Variants in TSC1 observed in about 807,000 individuals in gnomAD.
The protein encoded by TSC1 is hamartin.
TSC1 carries 20 observed loss-of-function variants against 124.3 expected under a neutral mutation model. The observed-to-expected ratio is 0.16, with a 90% CI of 0.11 to 0.23. TSC1 has a LOEUF of 0.23. TSC1 is among the 10% of genes least tolerant of loss of function. TSC1 has a pLI of 1.00. For missense variants in TSC1, 1,124 were observed against 1,448.5 expected, an observed-to-expected ratio of 0.78 and a Z score of 3.64; for synonymous variants, 493 against 539.1, an observed-to-expected ratio of 0.91 and a Z score of 1.19.
At position 132,944,578 on chromosome 9, in the gene TSC1, G is replaced by A. The variant is rs1020168405; in HGVS notation, c.-179C>T. ...CTCCCCCTCAGCTGTTTACCTCACA[G>A]TCCCTCCAGCCTACAGGGCGCCGCC... is the stretch of plus-strand genomic sequence containing the variant. On this transcript the variant is annotated 5_prime_UTR_variant, in exon 1 of 23. Coordinates refer to ENST00000298552, the MANE Select transcript of TSC1 (RefSeq NM_000368.5). 3 of 398,876 alleles carry A rather than the reference G, an allele frequency of 7.5e-6. No individual in the cohort carries two copies. Among genetic ancestry groups the A allele is most frequent in the Non-Finnish European group, 8.8e-6 (2 of 226,316 alleles). 24.7% of individuals were successfully genotyped at this position (398,876 alleles called of 1,614,324 possible). A position where few individuals can be genotyped will look rare whatever the true frequency, so the allele number is the denominator to read the frequency against.
At chr9:132,937,889 A>T (rs1039787857) in intron 1 of TSC1, among the ~76,000 whole-genome samples, 1 of 151,862 alleles carries the variant, frequency 6.6e-6, no homozygotes, top group African/African-American at 2.4e-5. Flanking sequence ...TAATTTTTGT[A>T]TTTTTTTGTA....
rs532695941 is a variant in TSC1 at position 132,938,678 on chromosome 9, G to A, written c.-143-3583C>T. Among the ~76,000 whole-genome samples the A allele has an allele frequency of 2.4e-4, 36 of 152,254 alleles. 1 individual carries two copies. The South Asian group carries it at 5.2e-3, about 22-fold the overall frequency. On this transcript the variant is annotated intron_variant, in intron 1 of 22. Transcript: ENST00000298552. ...CAGCTGTCATTAGCAGGACCCGTAC[G>A]CCATTTTTTTCACATATCTCTGCCC...
chr9:132,944,481 TG>T, intron 1 of TSC1, 61 bp downstream of exon 1: 1 of 397,884 alleles, frequency 2.5e-6, no homozygotes, highest in Non-Finnish European at 4.4e-6. Context: ...GCTGGAGTCA[TG>T]GTGCCGGGGC....
intron 2 of TSC1, 103 bp from the exon 3 acceptor site, chr9:132,929,055 A>G (rs1847056376): frequency 1.9e-6 from 2 of 1,029,458 alleles, no homozygotes. Flanking sequence ...AATGCAATGG[A>G]AAGTTTGGCC....
rs1844963180 is a variant in TSC1 at position 132,895,081 on chromosome 9, A to G, written c.*1154T>C. 1 of 232,932 alleles carries G rather than the reference A, an allele frequency of 4.3e-6. No individual in the cohort carries two copies. The highest frequency in any genetic ancestry group is 2.2e-5 in the African/African-American group (1 of 45,278). The allele number at this position is 232,932 out of a possible 1,614,324, so 14.4% of individuals were successfully genotyped here. On this transcript the variant is annotated 3_prime_UTR_variant, in exon 23 of 23. Coordinates refer to ENST00000298552, the MANE Select transcript of TSC1 (RefSeq NM_000368.5). ...CTGCTCTGCCATTACTAACATGGAG[A>G]GTGTGATGACATCAGCTCCCTGGAG...
chr9:132,896,141 C>G lies in TSC1; in HGVS notation c.*94G>C, dbSNP rs1224826861. On this transcript the variant is annotated 3_prime_UTR_variant, in exon 23 of 23. Transcript: ENST00000298552. The surrounding 1 kb of genome is among the most constrained non-coding windows in gnomAD (Gnocchi z 4.5). The stretch of plus-strand genomic sequence containing the variant: ...CCATTTCCACACATGAACTTGCACT[C>G]AGACCCTGGAAACAGGAAAGCTTTG... 6.3e-7 allele frequency: 1 copy of G among 1,580,170 alleles called. No individual in the cohort carries two copies. The highest frequency in any genetic ancestry group is 8.7e-7 in the Non-Finnish European group (1 of 1,155,338).
intron 4 of TSC1, 98 bp downstream of exon 4, chr9:132,927,103 A>G (rs1328943442): frequency 8.2e-7 from 1 of 1,220,100 alleles, no homozygotes; most frequent in African/African-American, 1.5e-5. Context: ...CACAGAAATC[A>G]AAAGAATAAG....
intron 1 of TSC1, among the ~76,000 whole-genome samples, chr9:132,937,230 C>T (rs549591422): frequency 3.7e-4 from 56 of 152,220 alleles, no homozygotes; most frequent in African/African-American, 1.2e-3. Flanking sequence ...GATCACCTGG[C>T]GTCGGGAGTT....
rs2131737076 is a variant in TSC1, at chr9:132,902,719, A to T, written c.2277T>A (p.Ala759=). ...MWKVSLQKEQ[A]RYNQLQEQRD... is the part of the protein sequence containing the mutation. ...GCTGCTCCTGGAGCTGATTGTATCT[A>T]GCTTGTTCTTTCTGCAGACTAACCT... The change falls in exon 18 of 23, where the codon GCT becomes GCA. Residue 759 remains alanine, a synonymous_variant. Coordinates refer to ENST00000298552, the MANE Select transcript of TSC1 (RefSeq NM_000368.5). The surrounding 1 kb of genome is among the most constrained non-coding windows in gnomAD (Gnocchi z 5.2). 6.2e-7 allele frequency: 1 copy of T among 1,614,154 alleles called. No homozygotes were observed. The highest frequency in any genetic ancestry group is 8.5e-7 in the Non-Finnish European group (1 of 1,180,034).
intron 5 of TSC1, among the ~76,000 whole-genome samples, chr9:132,924,233 A>T (rs1357994161): frequency 1.3e-5 from 2 of 152,362 alleles, no homozygotes; most frequent in African/African-American, 4.8e-5. Flanking sequence ...TTTGCCAGGT[A>T]GATGAAATTC....
In TSC1 at chr9:132,923,480, C is replaced by T. The variant is rs397514843; in HGVS notation, c.376G>A (p.Val126Ile). 1.4e-5 allele frequency: 23 copies of T among 1,613,974 alleles called. No individual in the cohort carries two copies. Among genetic ancestry groups the T allele is most frequent in the African/African-American group, 2.7e-5 (2 of 74,900 alleles). ...LLKCLKMDTDVVVLTTGVLVL... is the reference protein window; with the variant it reads ...LLKCLKMDTDIVVLTTGVLVL... ...AAGACGCCTGTTGTGAGGACAACGA[C>T]GTCAGTGTCCATCTGCAGGAGAAAA... Residue 126 changes from valine to isoleucine, a missense_variant, in exon 6 of 23, where the codon GTC (valine) becomes ATC (isoleucine). Val to Ile is a conservative substitution (Grantham distance 29, BLOSUM62 3). Transcript: ENST00000298552. The surrounding 1 kb of genome is among the most constrained non-coding windows in gnomAD (Gnocchi z 4.2).
In TSC1 at chr9:132,905,699, G is replaced by A. The variant is rs1171110012; in HGVS notation, c.1879C>T (p.Leu627=). The change falls in exon 15 of 23, where the codon CTG becomes TTG. Residue 627 remains leucine, a synonymous_variant. Coordinates refer to ENST00000298552, the MANE Select transcript of TSC1 (RefSeq NM_000368.5). ...GTGTTTCCTTTTGCTTTCTTTAACA[G>A]CTCCTCAGTCTTCCTGATGACAAAA... is the stretch of plus-strand genomic sequence containing the variant. ...HHFVIRKTEE[L]LKKAKGNTEE... is the part of the protein sequence containing the mutation. The A allele has an allele frequency of 6.2e-7, 1 of 1,614,172 alleles. No individual in the cohort carries two copies. Among genetic ancestry groups the A allele is most frequent in the Non-Finnish European group, 8.5e-7 (1 of 1,180,032 alleles).
chr9:132,904,425 C>G lies in TSC1; in HGVS notation c.2027G>C (p.Trp676Ser). Residue 676 changes from tryptophan (W) to serine (S), a missense_variant, in exon 16 of 23, where the codon TGG (tryptophan) becomes TCG (serine). This residue lies in a region of TSC1 where 321 missense variants were observed against 397.4 expected (regional missense o/e 0.81). Transcript: ENST00000298552. ...KLPLPSKSVD[W>S]THFGGSPPSD... ...AACAACTTTACCTCCAAAGTGGGTC[C>G]AGTCGACAGACTTGCTGGGTAAAGG... The G allele has an allele frequency of 6.2e-7, 1 of 1,614,042 alleles. No individual in the cohort carries two copies. The highest frequency in any genetic ancestry group is 8.5e-7 in the Non-Finnish European group (1 of 1,180,008).
chr9:132,912,768 G>A, intron 8 of TSC1: 1 of 373,536 alleles, frequency 2.7e-6, no homozygotes. Context: ...GCAGCAGGCA[G>A]GGAAAAATGT....
chr9:132,926,440 TA>T (rs1314667832), intron 4 of TSC1: 3 of 154,892 alleles, frequency 1.9e-5, no homozygotes, highest in Non-Finnish European at 4.3e-5. Flanking sequence ...AAGTCTGCAA[TA>T]ACAATGCTTT....
chr9:132,911,513 T>C lies in TSC1; in HGVS notation c.969A>G (p.Pro323=), dbSNP rs1418510093. The C allele has an allele frequency of 6.2e-7, 1 of 1,613,202 alleles. No homozygotes were observed. The highest frequency in any genetic ancestry group is 1.7e-5 in the Admixed American group (1 of 59,880). ...STSRLMLLNM[P]GQLPQTLSSP... is the part of the protein sequence containing the mutation. The stretch of plus-strand genomic sequence containing the variant: ...AACTCAGAGTCTGAGGTAGCTGCCC[T>C]GGCATATTTAACAACATCAGCCGAG... Residue 323 remains proline (P), a synonymous_variant, in exon 10 of 23, where the codon CCA becomes CCG. Transcript: ENST00000298552.
Position 132,891,740 on chromosome 9 carries a change from T to C in TSC1, c.*4495A>G, listed in dbSNP as rs1395411900. On this transcript the variant is annotated 3_prime_UTR_variant, in exon 23 of 23. Coordinates refer to ENST00000298552, the MANE Select transcript of TSC1 (RefSeq NM_000368.5). ...TCCTCCGTAATATATTTGTGGTCCA[T>C]AGAAGTCTTCTGAAAAGTGATTACT... The C allele has an allele frequency of 3.0e-5, 7 of 233,604 alleles. No individual in the cohort carries two copies. The highest frequency in any genetic ancestry group is 6.0e-5 in the East Asian group (1 of 16,606). The allele number at this position is 233,604 out of a possible 1,614,324, so 14.5% of individuals were successfully genotyped here. A position where few individuals can be genotyped will look rare whatever the true frequency, so the allele number is the denominator to read the frequency against.
rs1027936609 is a variant in TSC1, at chr9:132,894,808, T to C, written c.*1427A>G. Reference sequence around the variant, plus strand: ...TCTTTATGACTGAATCCTTCTATTCTTTTTAATGAAAGATAGAAACAGGAA... The same window carrying C: ...TCTTTATGACTGAATCCTTCTATTCCTTTTAATGAAAGATAGAAACAGGAA... On this transcript the variant is annotated 3_prime_UTR_variant, in exon 23 of 23. Transcript: ENST00000298552. 13 of 231,822 alleles carry C rather than the reference T, an allele frequency of 5.6e-5. No homozygotes were observed. The highest frequency in any genetic ancestry group is 1.1e-4 in the Non-Finnish European group (13 of 117,232). 14.4% of individuals were successfully genotyped at this position (231,822 alleles called of 1,614,324 possible).
chr9:132,905,315 A>G (rs902403781), intron 15 of TSC1, among the ~76,000 whole-genome samples: 16 of 152,252 alleles, frequency 1.1e-4, no homozygotes, highest in African/African-American at 3.6e-4. Flanking sequence ...GAGTGTCCTC[A>G]TAGAACAGAG....
Sources: gnomAD v4.1 joint callset for allele counts (sites outside exome capture counted in the v4.1 genomes callset) on GRCh38, gnomAD v4.1.1 for gene constraint, gnomAD v4.1.1 regional missense constraint, Gnocchi (gnomAD v3.1) non-coding constraint, MANE v1.5 for transcripts, NCBI Gene and HGNC (gene_info 2026-07-23, HGNC 2026-07-21) for gene names.